PCSK5: variants seen among roughly 807,000 people sequenced by gnomAD.
PCSK5 encodes the protein prohormone convertase 5.
PCSK5 carries 129 observed loss-of-function variants against 233.2 expected under a neutral mutation model. That is an observed-to-expected ratio of 0.55 (90% CI 0.48 to 0.64). The LOEUF (loss-of-function observed/expected upper bound fraction) is 0.64. PCSK5 is among the 30% of genes least tolerant of loss of function. PCSK5 has a pLI of 0.00. For synonymous variants in PCSK5, 825 were observed against 879.2 expected (o/e 0.94, Z 1.09); for missense variants, 2,076 against 2,430.1 (o/e 0.85, Z 3.06).
intron 2 of PCSK5, among the ~76,000 whole-genome samples, chr9:75,972,784 TCTC>T (rs1825861981): frequency 6.6e-6 from 1 of 152,132 alleles, no homozygotes; most frequent in Non-Finnish European, 1.5e-5. Flanking sequence ...GGGCTGTCTC[TCTC>T]CTATTTTCTT....
At chr9:75,926,331 G>A (rs570427321) in intron 1 of PCSK5, among the ~76,000 whole-genome samples, 1 of 152,290 alleles carries the variant, frequency 6.6e-6, no homozygotes. Flanking sequence ...GTGATGTGCT[G>A]ATAAATAGTT....
At chr9:76,205,354 T>C (rs10781345) in intron 20 of PCSK5, among the ~76,000 whole-genome samples, 63,055 of 151,766 alleles carry the variant, frequency 0.42, 14,437 homozygotes, top group East Asian at 0.68. Context: ...TCGCAGACCA[T>C]AGAGGGCCCT....
Position 76,295,428 on chromosome 9 carries a change from C to T in PCSK5, c.3322+17C>T. The T allele has an allele frequency of 1.2e-6, 2 of 1,609,812 alleles. No individual in the cohort carries two copies. The highest frequency in any genetic ancestry group is 1.7e-6 in the Non-Finnish European group (2 of 1,178,082). ...TTCTCTTAGGTAAGTTAGAAAATGG[C>T]ACCATCCAAGCTAAGAACCAGGCAC... is the stretch of plus-strand genomic sequence containing the variant. On this transcript the variant is annotated intron_variant, in intron 26 of 37. Transcript: ENST00000674117.
At chr9:76,351,951 G>A (rs1208982500) in intron 36 of PCSK5, among the ~76,000 whole-genome samples, 1 of 152,068 alleles carries the variant, frequency 6.6e-6, no homozygotes, top group East Asian at 1.9e-4. Flanking sequence ...TGTCACTTCT[G>A]TGGTCACCAG....
At chr9:76,117,957 G>A (rs567227247) in intron 9 of PCSK5, among the ~76,000 whole-genome samples, 47 of 152,206 alleles carry the variant, frequency 3.1e-4, no homozygotes, top group Admixed American at 9.2e-4. Context: ...ATGTCGTAGC[G>A]AGCTTCCTGG....
intron 3 of PCSK5, among the ~76,000 whole-genome samples, chr9:76,007,796 T>TGTGTGTGTG (rs1827542652): frequency 7.8e-6 from 1 of 128,224 alleles, no homozygotes; most frequent in Non-Finnish European, 1.6e-5. Flanking sequence ...CCGGCTAATT[T>TGTGTGTGTG]TGTGTGTGTG....
intron 10 of PCSK5, among the ~76,000 whole-genome samples, chr9:76,152,475 A>G (rs1823713783): frequency 6.6e-6 from 1 of 151,994 alleles, no homozygotes; most frequent in African/African-American, 2.4e-5. Context: ...GCCTTATTTT[A>G]TTTGTTTGCC....
intron 3 of PCSK5, among the ~76,000 whole-genome samples, chr9:75,995,591 C>T (rs1038764503): frequency 1.6e-4 from 25 of 152,046 alleles, no homozygotes; most frequent in Non-Finnish European, 1.3e-4. Context: ...GATATTGTTG[C>T]GATTTGGTCC....
At chr9:76,354,307 A>G in intron 37 of PCSK5, 88 bp downstream of exon 37, 1 of 1,048,988 alleles carries the variant, frequency 9.5e-7, no homozygotes, top group Non-Finnish European at 1.4e-6. Context: ...TGGAAAGTTC[A>G]GGAGAATCAA....
intron 1 of PCSK5, among the ~76,000 whole-genome samples, chr9:75,912,733 C>T (rs79414500): frequency 0.011 from 1,638 of 152,304 alleles, 11 homozygotes; most frequent in Middle Eastern, 0.031. Context: ...TACATACATA[C>T]ACATAGCATA....
chr9:76,000,176 A>G (rs778743648), intron 3 of PCSK5, among the ~76,000 whole-genome samples: 40 of 152,008 alleles, frequency 2.6e-4, no homozygotes, highest in Non-Finnish European at 4.7e-4. Flanking sequence ...TCCTTTGAAA[A>G]TTTTTGGTTG....
chr9:75,975,520 C>A (rs139155720), intron 2 of PCSK5, among the ~76,000 whole-genome samples: 1 of 152,234 alleles, frequency 6.6e-6, no homozygotes, highest in East Asian at 1.9e-4. Context: ...CTAATCTCAG[C>A]TGAATTGAAC....
intron 24 of PCSK5, chr9:76,287,030 G>C (rs1003179883): frequency 1.2e-5 from 2 of 171,406 alleles, no homozygotes; most frequent in Non-Finnish European, 2.5e-5. Flanking sequence ...CTTAAGATCT[G>C]TCTCAGTAAT....
In PCSK5 at chr9:75,985,215, C is replaced by T. The variant is rs148670901; in HGVS notation, c.298-917C>T. On this transcript the variant is annotated intron_variant, in intron 2 of 37. Transcript: ENST00000674117. Reference sequence around the variant, plus strand: ...TGGAACATGCTTATTTTTGTGTTGCCGTAAGGATAATCTGTTTTAAAGAAA... The same window carrying T: ...TGGAACATGCTTATTTTTGTGTTGCTGTAAGGATAATCTGTTTTAAAGAAA... Among the ~76,000 whole-genome samples the T allele has an allele frequency of 9.1e-4, 138 of 152,256 alleles. 1 individual carries two copies. Among genetic ancestry groups the T allele is most frequent in the Admixed American group, 1.8e-3 (28 of 15,292 alleles).
Position 76,289,546 on chromosome 9 carries a change from A to T in PCSK5, c.3143-2687A>T, listed in dbSNP as rs1170281017. On this transcript the variant is annotated intron_variant, in intron 24 of 37. Transcript: ENST00000674117. ...CACACACACACACACACACACACAC[A>T]CTAGAAGCCAGGAAAATTCATCTTT... Among the ~76,000 whole-genome samples, 9 of 146,174 alleles carry T rather than the reference A, an allele frequency of 6.2e-5. No individual in the cohort carries two copies. In the Admixed American group the frequency reaches 6.2e-4, roughly 10 times the overall value.
Position 76,227,534 on chromosome 9 carries a change from G to A in PCSK5, c.2658G>A (p.Gln886=), listed in dbSNP as rs895027308. The change falls in exon 21 of 38, where the codon CAG becomes CAA. Residue 886 remains glutamine (Q), a synonymous_variant. Coordinates refer to ENST00000674117, the MANE Select transcript of PCSK5 (RefSeq NM_001372043.1). ...ATGTTGATGAGCATGGCCACTGCCA[G>A]ACCTGTGAGGCCTCATGTGCCAAGT... ...GEYVDEHGHC[Q]TCEASCAKCQ... The A allele has an allele frequency of 1.2e-6, 2 of 1,612,008 alleles. No individual in the cohort carries two copies. The highest frequency in any genetic ancestry group is 2.7e-5 in the African/African-American group (2 of 74,916).
chr9:76,191,447 A>AGAG (rs888236182), intron 20 of PCSK5, among the ~76,000 whole-genome samples: 3 of 152,128 alleles, frequency 2.0e-5, no homozygotes, highest in Non-Finnish European at 2.9e-5. Context: ...TAAAAAATGA[A>AGAG]GAAGATAATA....
chr9:76,320,467 T>TC (rs1484649403), intron 30 of PCSK5, among the ~76,000 whole-genome samples: 7 of 79,666 alleles, frequency 8.8e-5, no homozygotes, highest in Non-Finnish European at 1.3e-4. Flanking sequence ...CATTGTAGCT[T>TC]TTTTTTTTTT....
chr9:76,351,425 C>A (rs1039614640), intron 36 of PCSK5, among the ~76,000 whole-genome samples: 6 of 111,826 alleles, frequency 5.4e-5, no homozygotes, highest in African/African-American at 1.7e-4. Context: ...AGAAACCGCC[C>A]CCCCCTGCAA....
Sources: gnomAD v4.1 joint callset for allele counts (sites outside exome capture counted in the v4.1 genomes callset) on GRCh38, gnomAD v4.1.1 for gene constraint, MANE v1.5 for transcripts, NCBI Gene and HGNC (gene_info 2026-07-23, HGNC 2026-07-21) for gene names.